PTDSS1: variants seen among roughly 807,000 people sequenced by gnomAD.
PTDSS1 encodes phosphatidylserine synthase 1.
PTDSS1 carries 45 observed loss-of-function variants against 70.5 expected under a neutral mutation model. The observed-to-expected ratio is 0.64, with a 90% CI of 0.50 to 0.82. The LOEUF is 0.82. Ranked by LOEUF, PTDSS1 falls within the 40% of genes least tolerant of loss-of-function variation. The probability of loss-of-function intolerance (pLI) is 0.00; values close to 1 mark genes in which losing one functional copy is unlikely to be tolerated. For missense variants in PTDSS1, 417 were observed against 586.1 expected (o/e 0.71, Z 2.98); for synonymous variants, 188 against 203.8 (o/e 0.92, Z 0.66).
At chr8:96,295,516 A>G (rs1437225585) in intron 5 of PTDSS1, among the ~76,000 whole-genome samples, 1 of 152,228 alleles carries the variant, frequency 6.6e-6, no homozygotes, top group Non-Finnish European at 1.5e-5. Flanking sequence ...AAAGCTAAAG[A>G]ATGAAGTTAA....
At chr8:96,296,225 G>A (rs1233611070) in intron 5 of PTDSS1, among the ~76,000 whole-genome samples, 3 of 131,006 alleles carry the variant, frequency 2.3e-5, no homozygotes, top group African/African-American at 5.7e-5. Context: ...TGCAAGCTCC[G>A]CCTCCTGGGT....
At position 96,336,330 on chromosome 8, in the gene PTDSS1, G is replaced by A. The variant is rs569081731; in HGVS notation, c.*2764G>A. 9.5e-4 allele frequency: 145 copies of A among 152,108 alleles called. 6 individuals carry two copies. Among genetic ancestry groups the A allele is most frequent in the African/African-American group, 3.3e-3 (136 of 41,348 alleles). The allele number at this position is 152,108 out of a possible 1,614,324, so 9.4% of individuals were successfully genotyped here. A position where few individuals can be genotyped will look rare whatever the true frequency, so the allele number is the denominator to read the frequency against. ...CCACCGTGTAGCACCCTGGAATGAT[G>A]CCTCTTTATGCCAAGGCCCACCCTT... On this transcript the variant is annotated 3_prime_UTR_variant, in exon 13 of 13. Transcript: ENST00000517309.
At chr8:96,331,357 C>T (rs542281319) in intron 12 of PTDSS1, among the ~76,000 whole-genome samples, 12 of 151,952 alleles carry the variant, frequency 7.9e-5, no homozygotes, top group African/African-American at 2.4e-4. Flanking sequence ...GTGACACCCC[C>T]GTCTCTACAA....
Position 96,323,303 on chromosome 8 carries a change from A to G in PTDSS1, c.1173+2958A>G, listed in dbSNP as rs564386024. Among the ~76,000 whole-genome samples the G allele has an allele frequency of 7.2e-5, 11 of 152,152 alleles. No homozygotes were observed. The South Asian group carries it at 2.3e-3, about 32-fold the overall frequency. On this transcript the variant is annotated intron_variant, in intron 10 of 12. Transcript: ENST00000517309. ...TCCTCTCTGGTGGCTCCAACCCCAC[A>G]TTTCTCCTTGGCATTGCCCTAGTAT...
chr8:96,313,105 T>G (rs1811235586), intron 9 of PTDSS1, among the ~76,000 whole-genome samples: 1 of 152,204 alleles, frequency 6.6e-6, no homozygotes, highest in Admixed American at 6.5e-5. Flanking sequence ...CGCCTGGGGT[T>G]CTTTCCCAGC....
intron 10 of PTDSS1, among the ~76,000 whole-genome samples, chr8:96,328,857 C>T (rs528433586): frequency 6.6e-6 from 1 of 152,292 alleles, no homozygotes; most frequent in Admixed American, 6.5e-5. Flanking sequence ...GTTCACTGTT[C>T]CCATGATGCT....
At chr8:96,274,932 G>A (rs1810619611) in intron 2 of PTDSS1, among the ~76,000 whole-genome samples, 1 of 152,124 alleles carries the variant, frequency 6.6e-6, no homozygotes, top group East Asian at 1.9e-4. Flanking sequence ...TGGGAGCTGA[G>A]TTTAGCTCTC....
intron 2 of PTDSS1, among the ~76,000 whole-genome samples, chr8:96,283,290 G>A (rs1810769449): frequency 6.6e-6 from 1 of 152,340 alleles, no homozygotes; most frequent in East Asian, 1.9e-4. Flanking sequence ...AGTGTAGGAA[G>A]GCTGTTCAAA....
At chr8:96,302,749 T>C (rs1374072921) in intron 6 of PTDSS1, among the ~76,000 whole-genome samples, 1 of 151,992 alleles carries the variant, frequency 6.6e-6, no homozygotes, top group East Asian at 1.9e-4. Flanking sequence ...ACCTGGCTAA[T>C]TTTTGTATTT....
At chr8:96,282,032 T>C (rs1355162317) in intron 2 of PTDSS1, among the ~76,000 whole-genome samples, 3 of 152,202 alleles carry the variant, frequency 2.0e-5, no homozygotes, top group Non-Finnish European at 4.4e-5. Flanking sequence ...AATTTTTAAG[T>C]GCTGATTTTG....
At chr8:96,274,765 G>C (rs1244086041) in intron 2 of PTDSS1, among the ~76,000 whole-genome samples, 1 of 152,080 alleles carries the variant, frequency 6.6e-6, no homozygotes, top group African/African-American at 2.4e-5. Flanking sequence ...TTCCATCGTA[G>C]TTAGGAGCGT....
At chr8:96,327,511 G>A (rs759684654) in intron 10 of PTDSS1, among the ~76,000 whole-genome samples, 34 of 152,048 alleles carry the variant, frequency 2.2e-4, no homozygotes, top group Admixed American at 6.5e-5. Flanking sequence ...AAGATTGATC[G>A]CAGACTCAGG....
At chr8:96,295,444 T>C (rs980135866) in intron 5 of PTDSS1, among the ~76,000 whole-genome samples, 188 bp downstream of exon 5, 1 of 152,232 alleles carries the variant, frequency 6.6e-6, no homozygotes, top group African/African-American at 2.4e-5. Flanking sequence ...TAAAAATACC[T>C]CCTTGTTAAC....
At chr8:96,286,927 T>A in intron 3 of PTDSS1, 95 bp from the exon 4 acceptor site, 1 of 1,473,308 alleles carries the variant, frequency 6.8e-7, no homozygotes, top group East Asian at 2.3e-5. Context: ...AATCTTAGTG[T>A]CTGGTTTTGG....
chr8:96,295,332 T>A, intron 5 of PTDSS1, 76 bp downstream of exon 5: 1 of 1,422,390 alleles, frequency 7.0e-7, no homozygotes, highest in South Asian at 1.5e-5. Flanking sequence ...GTATGTCAGT[T>A]AACAGTCAGT....
chr8:96,313,710 C>G (rs1811244917), intron 9 of PTDSS1, among the ~76,000 whole-genome samples: 1 of 152,210 alleles, frequency 6.6e-6, no homozygotes. Flanking sequence ...GCAGCCAGAG[C>G]TGCTCCTCAC....
chr8:96,280,427 C>T (rs1204311771), intron 2 of PTDSS1, among the ~76,000 whole-genome samples: 2 of 152,056 alleles, frequency 1.3e-5, no homozygotes, highest in African/African-American at 2.4e-5. Context: ...GTGGCTGAGG[C>T]AGGAGAATCA....
At chr8:96,323,147 G>A (rs1811394901) in intron 10 of PTDSS1, among the ~76,000 whole-genome samples, 1 of 152,206 alleles carries the variant, frequency 6.6e-6, no homozygotes, top group Non-Finnish European at 1.5e-5. Flanking sequence ...CAGGAGTTGG[G>A]CCCCCAGGCC....
chr8:96,271,907 C>G (rs2130002240), intron 1 of PTDSS1, among the ~76,000 whole-genome samples: 1 of 151,880 alleles, frequency 6.6e-6, no homozygotes, highest in Non-Finnish European at 1.5e-5. Flanking sequence ...TTTAACTTAC[C>G]ATGAGTGAGG....
Sources: allele counts gnomAD v4.1 joint callset (sites outside exome capture counted in the v4.1 genomes callset), GRCh38; gene constraint gnomAD v4.1.1; transcripts MANE v1.5; gene names NCBI Gene and HGNC (gene_info 2026-07-23, HGNC 2026-07-21).